Variants in CTIF observed in about 807,000 individuals in gnomAD.
CTIF encodes CBP80/20-dependent translation initiation factor.
A neutral mutation model predicts 66.0 loss-of-function variants in CTIF; 21 were observed. The observed-to-expected ratio is 0.32, with a 90% CI of 0.23 to 0.46. CTIF has a LOEUF of 0.46. CTIF is among the 20% of genes least tolerant of loss of function. CTIF has a pLI of 1.00. For missense variants in CTIF, 739 were observed against 812.7 expected, an observed-to-expected ratio of 0.91 and a Z score of 1.10; for synonymous variants, 345 against 326.4, an observed-to-expected ratio of 1.06 and a Z score of -0.62.
chr18:48,859,583 C>A lies in CTIF; in HGVS notation c.*24C>A, dbSNP rs765715766. The A allele has an allele frequency of 1.2e-6, 2 of 1,608,618 alleles. No homozygotes were observed. The highest frequency in any genetic ancestry group is 1.7e-6 in the Non-Finnish European group (2 of 1,175,530). On this transcript the variant is annotated 3_prime_UTR_variant, in exon 12 of 12. Transcript: ENST00000256413. ...GACAGCCAGGGGGCCTGGCAGGCGG[C>A]CCACGGGCAGCTGGGGCCCTGGTGC...
intron 1 of CTIF, among the ~76,000 whole-genome samples, chr18:48,579,247 A>G (rs1297265638): frequency 1.3e-5 from 2 of 152,094 alleles, no homozygotes; most frequent in African/African-American, 4.8e-5. Flanking sequence ...CCCAAATTCA[A>G]GTGATTCTCC....
intron 7 of CTIF, among the ~76,000 whole-genome samples, chr18:48,751,086 A>C (rs1230666244): frequency 6.6e-6 from 1 of 152,212 alleles, no homozygotes; most frequent in African/African-American, 2.4e-5. Flanking sequence ...TGCCTGGCTT[A>C]CTGTAACTGC....
At chr18:48,572,430 T>A (rs1244568450) in intron 1 of CTIF, among the ~76,000 whole-genome samples, 1 of 152,154 alleles carries the variant, frequency 6.6e-6, no homozygotes, top group Non-Finnish European at 1.5e-5. Context: ...GAGCCTGGGT[T>A]GCCTGTGTGG....
At chr18:48,757,813 G>T (rs1908539862) in intron 7 of CTIF, 106 bp from the exon 8 acceptor site, 2 of 1,415,026 alleles carry the variant, frequency 1.4e-6, no homozygotes, top group Admixed American at 4.5e-5. Flanking sequence ...TTGGAAGAAT[G>T]AATATATGGA....
Position 48,761,690 on chromosome 18 carries a change from G to A in CTIF, c.1371+1G>A, listed in dbSNP as rs1909012200. 6.2e-7 allele frequency: 1 copy of A among 1,603,538 alleles called. No individual in the cohort carries two copies. ...GAGCCTGCTCCTCAACATGCTGCAG[G>A]TAACTGGACGCCGGCCACCACCGCC... On this transcript the variant is annotated splice_donor_variant, in intron 9 of 11. Transcript: ENST00000256413. LOFTEE classifies it high-confidence loss of function. The surrounding 1 kb of genome is among the most constrained non-coding windows in gnomAD (Gnocchi z 4.2).
intron 7 of CTIF, among the ~76,000 whole-genome samples, chr18:48,722,586 ATACCTGTT>A (rs2092348959): frequency 6.6e-6 from 1 of 151,916 alleles, no homozygotes; most frequent in Non-Finnish European, 1.5e-5. Flanking sequence ...GTACCCAGCC[ATACCTGTT>A]GGTGCTCACA....
At chr18:48,563,525 G>A (rs1178194158) in intron 1 of CTIF, among the ~76,000 whole-genome samples, 2 of 152,196 alleles carry the variant, frequency 1.3e-5, no homozygotes, top group African/African-American at 4.8e-5. Context: ...AGGCTGGAGT[G>A]CAGTGGCGCG....
chr18:48,667,060 G>C (rs1023963478), intron 5 of CTIF, among the ~76,000 whole-genome samples: 3 of 149,696 alleles, frequency 2.0e-5, no homozygotes, highest in Admixed American at 1.3e-4. Flanking sequence ...GTCCCTGCAT[G>C]GTGCTGGGTA....
intron 2 of CTIF, among the ~76,000 whole-genome samples, chr18:48,625,954 G>C (rs947421120): frequency 1.3e-5 from 2 of 151,516 alleles, no homozygotes; most frequent in Non-Finnish European, 2.9e-5. Context: ...CAGTGTATTG[G>C]GACATCTTGT....
intron 3 of CTIF, among the ~76,000 whole-genome samples, chr18:48,648,487 A>G (rs902089337): frequency 1.3e-5 from 2 of 149,854 alleles, no homozygotes; most frequent in African/African-American, 4.9e-5. Context: ...ACACACACAC[A>G]CGCACACACA....
intron 6 of CTIF, among the ~76,000 whole-genome samples, chr18:48,687,350 A>ACC (rs1555673227): frequency 2.0e-5 from 3 of 147,060 alleles, no homozygotes; most frequent in East Asian, 2.0e-4. Context: ...ACACACACAC[A>ACC]CCAAGCTTAC....
At chr18:48,835,586 A>C (rs1357222823) in intron 10 of CTIF, among the ~76,000 whole-genome samples, 1 of 152,220 alleles carries the variant, frequency 6.6e-6, no homozygotes, top group Non-Finnish European at 1.5e-5. Flanking sequence ...TAAGGATCCC[A>C]CATCTATAAG....
At chr18:48,613,707 G>A (rs1299339919) in intron 1 of CTIF, among the ~76,000 whole-genome samples, 1 of 152,190 alleles carries the variant, frequency 6.6e-6, no homozygotes, top group African/African-American at 2.4e-5. Flanking sequence ...CAGGAAGAGA[G>A]CCTGCATGCA....
At chr18:48,581,149 G>C (rs571296392) in intron 1 of CTIF, among the ~76,000 whole-genome samples, 1 of 152,182 alleles carries the variant, frequency 6.6e-6, no homozygotes, top group African/African-American at 2.4e-5. Flanking sequence ...GAGAGAAGGT[G>C]AGACAGCAAA....
At chr18:48,742,412 C>T (rs2092562433) in intron 7 of CTIF, among the ~76,000 whole-genome samples, 1 of 152,198 alleles carries the variant, frequency 6.6e-6, no homozygotes, top group Non-Finnish European at 1.5e-5. Context: ...GTGGATGCTC[C>T]CCAAAGGGGC....
intron 7 of CTIF, among the ~76,000 whole-genome samples, chr18:48,745,922 C>T (rs544220665): frequency 6.6e-6 from 1 of 152,360 alleles, no homozygotes; most frequent in South Asian, 2.1e-4. Context: ...CAGGGGAGGC[C>T]CTACTCCAGC....
intron 9 of CTIF, among the ~76,000 whole-genome samples, chr18:48,810,849 ATTG>A (rs1345808011): frequency 2.0e-5 from 3 of 151,740 alleles, no homozygotes; most frequent in African/African-American, 4.8e-5. Flanking sequence ...TTATTTAATA[ATTG>A]TTATCTTAAA....
intron 6 of CTIF, among the ~76,000 whole-genome samples, chr18:48,679,759 G>A (rs2091707107): frequency 6.6e-6 from 1 of 152,148 alleles, no homozygotes; most frequent in Non-Finnish European, 1.5e-5. Context: ...GTTTTTTGGG[G>A]GTCTTGATTC....
intron 10 of CTIF, among the ~76,000 whole-genome samples, chr18:48,824,934 A>C (rs985082548): frequency 2.0e-5 from 3 of 152,106 alleles, no homozygotes; most frequent in African/African-American, 4.8e-5. Context: ...GAGCCACTGC[A>C]CCCAGCCAAG....
Sources: gnomAD v4.1 joint callset for allele counts (sites outside exome capture counted in the v4.1 genomes callset) on GRCh38, gnomAD v4.1.1 for gene constraint, Gnocchi (gnomAD v3.1) non-coding constraint, MANE v1.5 for transcripts, NCBI Gene and HGNC (gene_info 2026-07-23, HGNC 2026-07-21) for gene names.